Variants in PGGT1B observed in about 807,000 individuals in gnomAD.
PGGT1B encodes protein geranylgeranyltransferase type I subunit beta, also known as geranylgeranyl transferase type-1 subunit beta.
Under a neutral mutation model 46.1 loss-of-function variants are expected in PGGT1B, and 30 were observed. The observed-to-expected ratio is 0.65, with a 90% CI of 0.49 to 0.88. The LOEUF is 0.88. Ranked by LOEUF, PGGT1B falls within the 40% of genes least tolerant of loss-of-function variation. PGGT1B has a pLI of 0.00. For missense variants in PGGT1B, 376 were observed against 455.9 expected, an observed-to-expected ratio of 0.82 and a Z score of 1.60; for synonymous variants, 170 against 160.0, an observed-to-expected ratio of 1.06 and a Z score of -0.47.
intron 7 of PGGT1B, among the ~76,000 whole-genome samples, chr5:115,217,504 T>C (rs1187673847): frequency 1.3e-5 from 2 of 152,008 alleles, no homozygotes; most frequent in Non-Finnish European, 2.9e-5. Context: ...AAAAACTATA[T>C]AGTTTTTAAT....
chr5:115,206,696 G>A lies in PGGT1B; in HGVS notation c.*5706C>T, dbSNP rs1331370256. ...TTTTCACAATTACAAAAATGTGGCT[G>A]TGAGATCCTTGAAAATGTATCATTG... On this transcript the variant is annotated 3_prime_UTR_variant, in exon 9 of 9. Transcript: ENST00000419445. The A allele has an allele frequency of 2.6e-5, 4 of 151,998 alleles. No individual in the cohort carries two copies. The highest frequency in any genetic ancestry group is 4.4e-5 in the Non-Finnish European group (3 of 67,940). 9.4% of individuals were successfully genotyped at this position (151,998 alleles called of 1,614,324 possible).
chr5:115,224,910 T>C (rs1756719802), intron 6 of PGGT1B, among the ~76,000 whole-genome samples: 1 of 150,920 alleles, frequency 6.6e-6, no homozygotes, highest in Non-Finnish European at 1.5e-5. Context: ...AAAAGAAAAG[T>C]GACATTTTGA....
intron 6 of PGGT1B, among the ~76,000 whole-genome samples, 194 bp from the exon 7 acceptor site, chr5:115,222,202 C>G (rs1756608956): frequency 6.6e-6 from 1 of 151,964 alleles, no homozygotes; most frequent in African/African-American, 2.4e-5. Flanking sequence ...GAATATAAAG[C>G]TATAAGAAAC....
At chr5:115,221,323 G>A (rs1756580196) in intron 7 of PGGT1B, among the ~76,000 whole-genome samples, 2 of 151,920 alleles carry the variant, frequency 1.3e-5, no homozygotes, top group African/African-American at 4.8e-5. Flanking sequence ...AGGTAGTAGA[G>A]ATGGGAAAAA....
chr5:115,228,634 G>A (rs1756871785), intron 6 of PGGT1B, among the ~76,000 whole-genome samples: 1 of 152,084 alleles, frequency 6.6e-6, no homozygotes, highest in Non-Finnish European at 1.5e-5. Flanking sequence ...TATGTACAAT[G>A]AACAGCATGT....
At chr5:115,256,439 A>G (rs767420743) in intron 1 of PGGT1B, among the ~76,000 whole-genome samples, 4 of 152,198 alleles carry the variant, frequency 2.6e-5, no homozygotes, top group Non-Finnish European at 5.9e-5. Flanking sequence ...GTATTTTAAA[A>G]TCTTGCATAC....
intron 8 of PGGT1B, among the ~76,000 whole-genome samples, chr5:115,215,053 C>A (rs1359016990): frequency 6.6e-6 from 1 of 152,210 alleles, no homozygotes; most frequent in Non-Finnish European, 1.5e-5. Context: ...GGCTGGAGTG[C>A]AATGGTGAGA....
At chr5:115,232,689 CA>C in intron 5 of PGGT1B, among the ~76,000 whole-genome samples, 1 of 152,090 alleles carries the variant, frequency 6.6e-6, no homozygotes, top group Admixed American at 6.6e-5. Context: ...CACCTTGTAT[CA>C]TTTCAGCTTG....
intron 2 of PGGT1B, among the ~76,000 whole-genome samples, chr5:115,251,095 A>G (rs1268039411): frequency 6.6e-6 from 1 of 152,124 alleles, no homozygotes; most frequent in African/African-American, 2.4e-5. Context: ...TCTTTTGGGG[A>G]ACATGTTTTA....
intron 2 of PGGT1B, among the ~76,000 whole-genome samples, chr5:115,244,640 G>C (rs566326643): frequency 1.3e-5 from 2 of 152,042 alleles, no homozygotes; most frequent in Admixed American, 1.3e-4. Context: ...TGCCCAGGCT[G>C]GACTGCAGGG....
chr5:115,238,290 GATTTTTTTTT>G, intron 3 of PGGT1B, among the ~76,000 whole-genome samples: 1 of 72,034 alleles, frequency 1.4e-5, no homozygotes, highest in African/African-American at 6.5e-5. Context: ...TATTTTTTTG[GATTTTTTTTT>G]TTTTTTTTTT....
intron 4 of PGGT1B, 22 bp from the exon 5 acceptor site, chr5:115,236,544 T>A (rs189862291): frequency 6.7e-7 from 1 of 1,499,102 alleles, no homozygotes; most frequent in Admixed American, 2.5e-5. Flanking sequence ...AACAACAATA[T>A]GATTTTCTAT....
At chr5:115,252,415 A>C (rs1315215856) in intron 2 of PGGT1B, among the ~76,000 whole-genome samples, 1 of 152,030 alleles carries the variant, frequency 6.6e-6, no homozygotes, top group Non-Finnish European at 1.5e-5. Flanking sequence ...GATGAGATTT[A>C]CATATGATTA....
intron 5 of PGGT1B, among the ~76,000 whole-genome samples, chr5:115,235,565 T>C (rs1019330767): frequency 4.1e-4 from 62 of 152,070 alleles, no homozygotes; most frequent in African/African-American, 1.5e-3. Context: ...CACCTCCAAA[T>C]ACAGTGCACT....
Position 115,244,510 on chromosome 5 carries a change from C to T in PGGT1B, c.260-2904G>A, listed in dbSNP as rs115034906. The stretch of plus-strand genomic sequence containing the variant: ...AAAAAAAGGATTCTACCTAACACAC[C>T]CCCCATATTCCAAATTGTACATAAT... On this transcript the variant is annotated intron_variant, in intron 2 of 8. Coordinates refer to ENST00000419445, the MANE Select transcript of PGGT1B (RefSeq NM_005023.4). 2.6e-3 allele frequency among the ~76,000 whole-genome samples: 395 copies of T among 149,848 alleles called. 1 individual carries two copies. Among genetic ancestry groups the T allele is most frequent in the African/African-American group, 9.1e-3 (370 of 40,524 alleles).
At chr5:115,226,487 C>T (rs1447528256) in intron 6 of PGGT1B, among the ~76,000 whole-genome samples, 3 of 151,882 alleles carry the variant, frequency 2.0e-5, no homozygotes, top group Non-Finnish European at 4.4e-5. Context: ...GTTTAGTTTT[C>T]ATGAAAAATG....
intron 2 of PGGT1B, among the ~76,000 whole-genome samples, chr5:115,249,997 A>C (rs1748019807): frequency 6.6e-6 from 1 of 152,112 alleles, no homozygotes; most frequent in African/African-American, 2.4e-5. Context: ...TCATTTTCTA[A>C]AGGACAATGT....
intron 6 of PGGT1B, among the ~76,000 whole-genome samples, chr5:115,224,587 G>T (rs1756702294): frequency 6.6e-6 from 1 of 152,100 alleles, no homozygotes; most frequent in African/African-American, 2.4e-5. Flanking sequence ...TAGTATGTTA[G>T]GCTGGGCATG....
chr5:115,206,636 A>G lies in PGGT1B; in HGVS notation c.*5766T>C, dbSNP rs1756072290. ...ATCCATACTTTAACAGTTGCATAGT[A>G]TTGAGTTACATAAATGTATCATAAT... On this transcript the variant is annotated 3_prime_UTR_variant, in exon 9 of 9. Coordinates refer to ENST00000419445, the MANE Select transcript of PGGT1B (RefSeq NM_005023.4). The G allele has an allele frequency of 6.6e-6, 1 of 152,060 alleles. No individual in the cohort carries two copies. The highest frequency in any genetic ancestry group is 2.1e-4 in the South Asian group (1 of 4,836). 9.4% of individuals were successfully genotyped at this position (152,060 alleles called of 1,614,324 possible).
Sources: allele counts gnomAD v4.1 joint callset (sites outside exome capture counted in the v4.1 genomes callset), GRCh38; gene constraint gnomAD v4.1.1; transcripts MANE v1.5; gene names NCBI Gene and HGNC (gene_info 2026-07-23, HGNC 2026-07-21).